The following PITPNM2 variants were observed in gnomAD, a reference collection of about 807,000 sequenced individuals.
The protein encoded by PITPNM2 is phosphatidylinositol transfer protein membrane associated 2, also known as membrane-associated phosphatidylinositol transfer protein 2.
A neutral mutation model predicts 132.2 loss-of-function variants in PITPNM2; 35 were observed. The ratio of observed to expected loss-of-function variants is 0.26; its 90% CI spans 0.20 to 0.35. PITPNM2 has a LOEUF of 0.35. PITPNM2 is among the 10% of genes least tolerant of loss of function. PITPNM2 has a pLI of 1.00. For missense variants in PITPNM2, 1,332 were observed against 1,912.0 expected (o/e 0.70, Z 5.66); for synonymous variants, 738 against 799.2 (o/e 0.92, Z 1.29).
At position 123,005,163 on chromosome 12, in the gene PITPNM2, C is replaced by T. The variant is rs2038871451; in HGVS notation, c.952+77G>A. On this transcript the variant is annotated intron_variant, in intron 7 of 25. Coordinates refer to ENST00000320201, the MANE Select transcript of PITPNM2 (RefSeq NM_020845.3). This position sits in a 1 kb window ranked among gnomAD's most constrained non-coding sequence, Gnocchi z 6.2. ...CATGGGAAAGAACTCTGAGGAGGTG[C>T]AGTGATCCAGCAGTGTGTGGGGCTG... 1 of 1,488,286 alleles carries T rather than the reference C, an allele frequency of 6.7e-7. No homozygotes were observed. The highest frequency in any genetic ancestry group is 9.1e-7 in the Non-Finnish European group (1 of 1,094,488). 92.2% of individuals were successfully genotyped at this position (1,488,286 alleles called of 1,614,324 possible). A position where few individuals can be genotyped will look rare whatever the true frequency, so the allele number is the denominator to read the frequency against.
intron 2 of PITPNM2, among the ~76,000 whole-genome samples, chr12:123,070,115 T>G (rs2136895868): frequency 6.6e-6 from 1 of 152,334 alleles, no homozygotes; most frequent in South Asian, 2.1e-4. Flanking sequence ...CCAGAGGTTC[T>G]ACTAGCCTTG....
intron 17 of PITPNM2, among the ~76,000 whole-genome samples, chr12:122,990,273 T>C (rs758158034): frequency 1.3e-5 from 2 of 152,246 alleles, no homozygotes; most frequent in African/African-American, 2.4e-5. Context: ...GCGGGGCCCT[T>C]ACTAATGCGC....
chr12:123,148,921 T>TGG (rs1227773916), intron 1 of PITPNM2, among the ~76,000 whole-genome samples: 1 of 151,956 alleles, frequency 6.6e-6, no homozygotes, highest in Non-Finnish European at 1.5e-5. Context: ...TGAAGGCACC[T>TGG]GGGGAGAGGG....
At chr12:123,101,525 G>A (rs1002996779) in intron 2 of PITPNM2, among the ~76,000 whole-genome samples, 1 of 152,206 alleles carries the variant, frequency 6.6e-6, no homozygotes, top group Admixed American at 6.5e-5. Flanking sequence ...GAGGGATAAT[G>A]AAGAAATGGT....
At chr12:123,067,469 A>G (rs1466581855) in intron 2 of PITPNM2, among the ~76,000 whole-genome samples, 2 of 143,876 alleles carry the variant, frequency 1.4e-5, no homozygotes, top group African/African-American at 5.0e-5. Context: ...ACACACACAC[A>G]CACACACACA....
chr12:123,130,454 CCTT>C (rs2043237464), intron 1 of PITPNM2, among the ~76,000 whole-genome samples: 1 of 152,228 alleles, frequency 6.6e-6, no homozygotes, highest in South Asian at 2.1e-4. Flanking sequence ...ATCCTTGTGT[CCTT>C]CTTGGCTCCA....
chr12:123,047,629 TC>T (rs1485690823), intron 2 of PITPNM2, among the ~76,000 whole-genome samples: 4 of 152,148 alleles, frequency 2.6e-5, no homozygotes, highest in African/African-American at 9.7e-5. Context: ...TAACAAATGT[TC>T]ATTAAGCACC....
At position 122,986,074 on chromosome 12, in the gene PITPNM2, C is replaced by G; in HGVS notation, c.4003G>C (p.Ala1335Pro). The G allele has an allele frequency of 7.0e-7, 1 of 1,432,146 alleles. No individual in the cohort carries two copies. Among genetic ancestry groups the G allele is most frequent in the Non-Finnish European group, 9.1e-7 (1 of 1,103,792 alleles). The allele number at this position is 1,432,146 out of a possible 1,614,324, so 88.7% of individuals were successfully genotyped here. ...CCCGGCTCCAGGCGGCCAGTCATGG[C>G]GCGGCCCCAGCAGCCGGCCGCCACA... ...MSVAAGCWGR[A>P]MTGRLEPGAA... The change falls in exon 26 of 26, where the codon GCC becomes CCC. Residue 1335 changes from alanine to proline, a missense_variant. Around this residue, in one of 6 missense-constraint regions of PITPNM2, gnomAD observed 163 missense variants for 177.2 expected, o/e 0.92. Coordinates refer to ENST00000320201, the MANE Select transcript of PITPNM2 (RefSeq NM_020845.3).
intron 8 of PITPNM2, among the ~76,000 whole-genome samples, chr12:123,002,018 A>C (rs2038708424): frequency 6.6e-6 from 1 of 150,890 alleles, no homozygotes; most frequent in Non-Finnish European, 1.5e-5. Flanking sequence ...GCGACAGAGC[A>C]AAACTCTTGT....
In PITPNM2 at chr12:122,994,941, C is replaced by A; in HGVS notation, c.2093G>T (p.Arg698Leu). The change falls in exon 15 of 26, where the codon CGC (arginine) becomes CTC (leucine). Residue 698 changes from arginine to leucine, a missense_variant. By Grantham distance (102) the Arg-to-Leu change is moderately radical (BLOSUM62 -2). Transcript: ENST00000320201. The surrounding 1 kb of genome is among the most constrained non-coding windows in gnomAD (Gnocchi z 5.4). The part of the protein sequence containing the change: ...ASVLRTEPCS[R>L]HSSSSTMLDG... ...CAGCATGGTGGAGCTGCTGGAATGGCGTGAGCAGGGCTCAGTCCTCAGCAC... is the reference window on the plus strand; with the variant it reads ...CAGCATGGTGGAGCTGCTGGAATGGAGTGAGCAGGGCTCAGTCCTCAGCAC... The A allele has an allele frequency of 6.2e-7, 1 of 1,610,884 alleles. No individual in the cohort carries two copies. The highest frequency in any genetic ancestry group is 8.5e-7 in the Non-Finnish European group (1 of 1,179,546).
In PITPNM2 at chr12:123,150,631, C is replaced by CGGCG. The variant is rs1424296481; in HGVS notation, c.-200+118_-200+121dup. On this transcript the variant is annotated intron_variant, in intron 1 of 25. Transcript: ENST00000320201. The surrounding 1 kb of genome is among the most constrained non-coding windows in gnomAD (Gnocchi z 6.0). ...TCCAGCCCCCGGCGGGCTGGAGGCT[C>CGGCG]GGCGGGCGGGCGGGCCGGGGCCTCT... 1.4e-5 allele frequency among the ~76,000 whole-genome samples: 2 copies of CGGCG among 146,122 alleles called. No homozygotes were observed. The highest frequency in any genetic ancestry group is 1.5e-5 in the Non-Finnish European group (1 of 65,978).
At chr12:123,006,751 A>G (rs1288138000) in intron 6 of PITPNM2, among the ~76,000 whole-genome samples, 1 of 150,844 alleles carries the variant, frequency 6.6e-6, no homozygotes, top group Non-Finnish European at 1.5e-5. Flanking sequence ...TAATAATAAT[A>G]ATAGAATGAT....
chr12:123,121,606 G>C (rs1027917175), intron 1 of PITPNM2, among the ~76,000 whole-genome samples: 1 of 152,112 alleles, frequency 6.6e-6, no homozygotes, highest in African/African-American at 2.4e-5. Context: ...GAGTGCAGGG[G>C]CATGATTACA....
chr12:123,056,961 GC>G lies in PITPNM2; in HGVS notation c.-95-22277del, dbSNP rs2041050404. On this transcript the variant is annotated intron_variant, in intron 2 of 25. Coordinates refer to ENST00000320201, the MANE Select transcript of PITPNM2 (RefSeq NM_020845.3). ...GTAGAGGCCACCGATCTGCTGCTCA[GC>G]CTTGGACAAGTCAGAGTACTCAGAA... is the stretch of plus-strand genomic sequence containing the variant. 3.9e-5 allele frequency among the ~76,000 whole-genome samples: 6 copies of G among 152,348 alleles called. No homozygotes were observed. The South Asian group carries it at 1.2e-3, about 32-fold the overall frequency.
chr12:122,994,766 A>G lies in PITPNM2; in HGVS notation c.2233+35T>C. 1 of 1,584,148 alleles carries G rather than the reference A, an allele frequency of 6.3e-7. No individual in the cohort carries two copies. The highest frequency in any genetic ancestry group is 8.6e-7 in the Non-Finnish European group (1 of 1,166,498). On this transcript the variant is annotated intron_variant, in intron 15 of 25. Transcript: ENST00000320201. The surrounding 1 kb of genome is among the most constrained non-coding windows in gnomAD (Gnocchi z 5.4). ...AGACCCCCGCCCCCGCACCCAGTGC[A>G]TGTACCCCCCATCCTGCCCCTGCTG...
At position 123,147,444 on chromosome 12, in the gene PITPNM2, ACAC is replaced by A. The variant is rs1435152116; in HGVS notation, c.-200+3306_-200+3308del. ...ATCCTCCCATCTCAGCTACAGGCGC[ACAC>A]CACCACGCCCAGCTAGCAATGTTAC... On this transcript the variant is annotated intron_variant, in intron 1 of 25. Coordinates refer to ENST00000320201, the MANE Select transcript of PITPNM2 (RefSeq NM_020845.3). Among the ~76,000 whole-genome samples the A allele has an allele frequency of 3.3e-5, 5 of 152,278 alleles. No individual in the cohort carries two copies. The East Asian group carries it at 7.7e-4, about 23-fold the overall frequency.
intron 1 of PITPNM2, among the ~76,000 whole-genome samples, chr12:123,145,454 T>C (rs1265116799): frequency 6.6e-6 from 1 of 152,144 alleles, no homozygotes; most frequent in East Asian, 1.9e-4. Context: ...CCCGCTGACG[T>C]CCCTGATCAT....
chr12:123,012,558 C>T, intron 5 of PITPNM2, 55 bp downstream of exon 5: 1 of 1,599,736 alleles, frequency 6.3e-7, no homozygotes, highest in Non-Finnish European at 8.6e-7. Context: ...CAAGAGGGAC[C>T]TGTGGGTAGG....
intron 1 of PITPNM2, among the ~76,000 whole-genome samples, chr12:123,122,340 T>C (rs866786342): frequency 2.6e-5 from 4 of 152,056 alleles, no homozygotes; most frequent in African/African-American, 9.7e-5. Context: ...CACACGCCTG[T>C]AGTCCCAGCT....
Sources: gnomAD v4.1 joint callset for allele counts (sites outside exome capture counted in the v4.1 genomes callset) on GRCh38, gnomAD v4.1.1 for gene constraint, gnomAD v4.1.1 regional missense constraint, Gnocchi (gnomAD v3.1) non-coding constraint, MANE v1.5 for transcripts, NCBI Gene and HGNC (gene_info 2026-07-23, HGNC 2026-07-21) for gene names.